The following SEMA6D variants were observed in gnomAD, a reference collection of about 807,000 sequenced individuals.
The protein encoded by SEMA6D is semaphorin 6D.
SEMA6D carries 35 observed loss-of-function variants against 106.6 expected under a neutral mutation model. The observed-to-expected ratio is 0.33, with a 90% CI of 0.25 to 0.44. The LOEUF (loss-of-function observed/expected upper bound fraction) is 0.44. SEMA6D is among the 20% of genes least tolerant of loss of function. SEMA6D has a pLI of 1.00. For synonymous variants in SEMA6D, 499 were observed against 487.7 expected (o/e 1.02, Z -0.31); for missense variants, 1,185 against 1,345.9 (o/e 0.88, Z 1.87).
At chr15:47,229,774 T>G (rs1022917007) in intron 1 of SEMA6D, among the ~76,000 whole-genome samples, 2 of 152,136 alleles carry the variant, frequency 1.3e-5, no homozygotes, top group African/African-American at 4.8e-5. Flanking sequence ...TGACCATCCT[T>G]TATTCTTTAT....
At chr15:47,287,254 A>G (rs986240951) in intron 1 of SEMA6D, among the ~76,000 whole-genome samples, 7 of 152,322 alleles carry the variant, frequency 4.6e-5, no homozygotes, top group Middle Eastern at 6.8e-3. Context: ...TGCACTGGAC[A>G]TGTAGTAAGA....
At chr15:47,618,628 T>C (rs2077047138) in intron 4 of SEMA6D, among the ~76,000 whole-genome samples, 1 of 152,208 alleles carries the variant, frequency 6.6e-6, no homozygotes, top group Non-Finnish European at 1.5e-5. Context: ...ATCTCCAGTC[T>C]GTATTTAGCT....
chr15:47,411,642 G>A (rs1457056944), intron 1 of SEMA6D, among the ~76,000 whole-genome samples: 1 of 152,074 alleles, frequency 6.6e-6, no homozygotes, highest in Non-Finnish European at 1.5e-5. Flanking sequence ...CTGAAACTAA[G>A]GTTTCTCTGG....
At chr15:47,515,583 A>AT (rs984477974) in intron 3 of SEMA6D, among the ~76,000 whole-genome samples, 1 of 152,030 alleles carries the variant, frequency 6.6e-6, no homozygotes, top group Non-Finnish European at 1.5e-5. Context: ...AAACAGTAGG[A>AT]TTTTTTTTCC....
chr15:47,548,609 C>T (rs746847348), intron 3 of SEMA6D, among the ~76,000 whole-genome samples: 23 of 152,036 alleles, frequency 1.5e-4, no homozygotes, highest in Admixed American at 5.2e-4. Context: ...GAACATTGTG[C>T]TCCATAAAAA....
chr15:47,325,654 A>G (rs2037102049), intron 1 of SEMA6D, among the ~76,000 whole-genome samples: 1 of 152,154 alleles, frequency 6.6e-6, no homozygotes, highest in Non-Finnish European at 1.5e-5. Context: ...GGCCACCAAT[A>G]CATTCCTTAT....
rs529181469 is a variant in SEMA6D at position 47,361,121 on chromosome 15, C to A, written c.-238-51272C>A. ...CCTCACCTTCTCCTTTGGGTGTTCTCTTCCTTCTTCCTTTCTTGCATCCTA... is the reference window on the plus strand; with the variant it reads ...CCTCACCTTCTCCTTTGGGTGTTCTATTCCTTCTTCCTTTCTTGCATCCTA... On this transcript the variant is annotated intron_variant, in intron 1 of 19. Coordinates refer to the SEMA6D transcript ENST00000558014. Among the ~76,000 whole-genome samples, 27 of 152,324 alleles carry A rather than the reference C, an allele frequency of 1.8e-4. No individual in the cohort carries two copies. The South Asian group carries it at 5.6e-3, about 32-fold the overall frequency.
chr15:47,471,279 G>C (rs185425790), intron 3 of SEMA6D, among the ~76,000 whole-genome samples: 1 of 152,086 alleles, frequency 6.6e-6, no homozygotes, highest in African/African-American at 2.4e-5. Flanking sequence ...TGAAATCATT[G>C]CTGACTCTTA....
At chr15:47,463,923 C>G (rs1328290320) in intron 2 of SEMA6D, among the ~76,000 whole-genome samples, 4 of 152,138 alleles carry the variant, frequency 2.6e-5, no homozygotes, top group African/African-American at 9.7e-5. Flanking sequence ...GGTCACCTTG[C>G]CACCTCCTCT....
intron 1 of SEMA6D, among the ~76,000 whole-genome samples, chr15:47,288,295 T>C (rs1213346510): frequency 6.6e-6 from 1 of 152,190 alleles, no homozygotes; most frequent in Admixed American, 6.5e-5. Context: ...AACTAGTTAA[T>C]GCACCGTCAA....
In SEMA6D at chr15:47,765,063, A is replaced by T. The variant is rs757796473; in HGVS notation, c.1427+7A>T. 1.2e-6 allele frequency: 2 copies of T among 1,613,506 alleles called. No individual in the cohort carries two copies. ...AAGCCTACAACCATGCAAAGTAGGT[A>T]TATGTTACGAGAACGCCCTTCAGCA... On this transcript the variant is annotated splice_region_variant and intron_variant, in intron 13 of 18. Transcript: ENST00000536845.
At chr15:47,331,009 T>C (rs143343140) in intron 1 of SEMA6D, among the ~76,000 whole-genome samples, 1 of 152,328 alleles carries the variant, frequency 6.6e-6, no homozygotes, top group Admixed American at 6.5e-5. Flanking sequence ...TATTTCAGTC[T>C]TTAGCTGTGA....
intron 4 of SEMA6D, among the ~76,000 whole-genome samples, chr15:47,645,611 A>G (rs531371300): frequency 5.9e-5 from 9 of 151,940 alleles, no homozygotes; most frequent in Non-Finnish European, 1.3e-4. Context: ...ACCTCAGCGG[A>G]CACCAGCTGG....
chr15:47,223,021 T>C (rs1231945996), intron 1 of SEMA6D, among the ~76,000 whole-genome samples: 1 of 152,178 alleles, frequency 6.6e-6, no homozygotes, highest in African/African-American at 2.4e-5. Flanking sequence ...CTAAGGACCA[T>C]GGGCATAGTG....
intron 3 of SEMA6D, among the ~76,000 whole-genome samples, chr15:47,599,970 G>GA (rs2076614618): frequency 1.3e-5 from 2 of 151,926 alleles, no homozygotes; most frequent in African/African-American, 4.8e-5. Flanking sequence ...CCAGTTCCTA[G>GA]GGAATTTGTA....
At chr15:47,759,527 C>T (rs2081952229) in intron 1 of SEMA6D, among the ~76,000 whole-genome samples, 1 of 152,152 alleles carries the variant, frequency 6.6e-6, no homozygotes, top group Non-Finnish European at 1.5e-5. Flanking sequence ...CGTGAATTTG[C>T]TGAAAACTTC....
intron 1 of SEMA6D, among the ~76,000 whole-genome samples, chr15:47,264,804 T>C (rs1433657891): frequency 6.6e-6 from 1 of 152,126 alleles, no homozygotes; most frequent in East Asian, 1.9e-4. Flanking sequence ...TATGTATTTT[T>C]GAAAAAGTAT....
intron 4 of SEMA6D, among the ~76,000 whole-genome samples, chr15:47,703,268 AATT>A (rs2078849500): frequency 6.6e-6 from 1 of 152,172 alleles, no homozygotes. Context: ...GCATGGGTGA[AATT>A]ATATTTTTAT....
intron 4 of SEMA6D, among the ~76,000 whole-genome samples, chr15:47,640,383 C>T (rs995997694): frequency 1.3e-5 from 2 of 152,126 alleles, no homozygotes; most frequent in Middle Eastern, 3.2e-3. Context: ...CTGTAATCTT[C>T]AAAATCTTGC....
Sources: gnomAD v4.1 joint callset for allele counts (sites outside exome capture counted in the v4.1 genomes callset) on GRCh38, gnomAD v4.1.1 for gene constraint, MANE v1.5 for transcripts, NCBI Gene and HGNC (gene_info 2026-07-23, HGNC 2026-07-21) for gene names.